The following EIF4B variants were observed in gnomAD, a reference collection of about 807,000 sequenced individuals.
EIF4B encodes the protein eukaryotic translation initiation factor 4B.
In EIF4B, 8 loss-of-function variants were observed where a neutral mutation model predicts 79.3. The observed-to-expected ratio is 0.10, with a 90% CI of 0.06 to 0.18. The LOEUF is 0.18. Among genes scored for constraint, EIF4B ranks in the 10% least tolerant of loss-of-function variants. The pLI is 1.00. For missense variants in EIF4B, 515 were observed against 792.4 expected (o/e 0.65, Z 4.20); for synonymous variants, 238 against 274.7 (o/e 0.87, Z 1.32).
chr12:53,021,763 A>G lies in EIF4B; in HGVS notation c.478-43A>G, dbSNP rs1437731515. The G allele has an allele frequency of 3.7e-6, 6 of 1,612,922 alleles. No homozygotes were observed. In the Admixed American group the frequency reaches 6.7e-5, roughly 18 times the overall value. ...TCAAGGTCACTCAAGGGATTTGTGC[A>G]TAATGGGGCAAAAGGTTGGTTAATA... On this transcript the variant is annotated intron_variant, in intron 4 of 14. Coordinates refer to ENST00000262056, the MANE Select transcript of EIF4B (RefSeq NM_001417.7).
chr12:53,027,928 A>G lies in EIF4B; in HGVS notation c.805+9A>G, dbSNP rs377689690. 29 of 1,612,238 alleles carry G rather than the reference A, an allele frequency of 1.8e-5. 1 individual carries two copies. In the Middle Eastern group the frequency reaches 4.9e-4, roughly 27 times the overall value. ...CAGAGACTATGATAGAGGTAATTGT[A>G]AAACATGTCGAATTGCTCTTTCAGT... On this transcript the variant is annotated intron_variant, in intron 7 of 14. Transcript: ENST00000262056.
At chr12:53,030,664 C>G (rs1344310493) in intron 8 of EIF4B, among the ~76,000 whole-genome samples, 1 of 151,798 alleles carries the variant, frequency 6.6e-6, no homozygotes, top group Non-Finnish European at 1.5e-5. Flanking sequence ...CCCGCCTCGG[C>G]CTCCCAAAGT....
chr12:53,041,341 A>G lies in EIF4B; in HGVS notation c.*1118A>G, dbSNP rs1943633608. The G allele has an allele frequency of 6.6e-6, 1 of 152,146 alleles. No homozygotes were observed. Among genetic ancestry groups the G allele is most frequent in the African/African-American group, 2.4e-5 (1 of 41,434 alleles). 9.4% of individuals were successfully genotyped at this position (152,146 alleles called of 1,614,324 possible). On this transcript the variant is annotated 3_prime_UTR_variant, in exon 15 of 15. Transcript: ENST00000262056. ...TTATTGATCAGAGTGCTCTAGAATA[A>G]TGGATGGTCTTGGATGATGGATAAA...
intron 8 of EIF4B, among the ~76,000 whole-genome samples, chr12:53,033,411 T>C (rs1943483345): frequency 6.6e-6 from 1 of 151,680 alleles, no homozygotes; most frequent in Admixed American, 6.6e-5. Context: ...AGCTCGATCT[T>C]GGCTCACTGC....
At position 53,038,341 on chromosome 12, in the gene EIF4B, C is replaced by T. The variant is rs770507586; in HGVS notation, c.1521-15C>T. ...TGAAACAACTGATGAATGTGATTAC[C>T]TGTTTTCCTTCTAGTGGTGGGGGAA... On this transcript the variant is annotated splice_polypyrimidine_tract_variant and intron_variant, in intron 11 of 14. Transcript: ENST00000262056. 21 of 1,569,922 alleles carry T rather than the reference C, an allele frequency of 1.3e-5. No homozygotes were observed. The Admixed American group carries it at 3.9e-4, about 29-fold the overall frequency.
chr12:53,026,059 C>G (rs1194358889), intron 6 of EIF4B, among the ~76,000 whole-genome samples: 22 of 151,882 alleles, frequency 1.4e-4, no homozygotes, highest in East Asian at 1.9e-4. Flanking sequence ...GCGATTGTGC[C>G]ACTGCACTCC....
At chr12:53,029,032 A>AG (rs1159659022) in intron 8 of EIF4B, among the ~76,000 whole-genome samples, 3 of 151,804 alleles carry the variant, frequency 2.0e-5, no homozygotes, top group Non-Finnish European at 4.4e-5. Context: ...TGGCTGAGGC[A>AG]GGAGAATTGC....
rs756411298 is a variant in EIF4B at position 53,019,015 on chromosome 12, A to G, written c.360+9A>G. The G allele has an allele frequency of 1.9e-6, 3 of 1,612,632 alleles. No homozygotes were observed. Among genetic ancestry groups the G allele is most frequent in the African/African-American group, 1.3e-5 (1 of 74,886 alleles). The stretch of plus-strand genomic sequence containing the variant: ...TCTTTCGAGGATTAAATGTAAGTGT[A>G]AAAGTTGTAATAATTAACTAGATAT... On this transcript the variant is annotated intron_variant, in intron 3 of 14. Transcript: ENST00000262056.
chr12:53,027,968 T>C, intron 7 of EIF4B, 47 bp from the exon 8 acceptor site: 2 of 1,608,336 alleles, frequency 1.2e-6, no homozygotes, highest in Non-Finnish European at 1.7e-6. Flanking sequence ...TTGCCTTTTT[T>C]TTTTCCCCCT....
chr12:53,027,340 G>A (rs1038842019), intron 6 of EIF4B, among the ~76,000 whole-genome samples: 2 of 150,776 alleles, frequency 1.3e-5, no homozygotes, highest in Non-Finnish European at 3.0e-5. Flanking sequence ...CACCATGTTG[G>A]CCAGGATGGT....
Position 53,040,369 on chromosome 12 carries a change from A to G in EIF4B, c.*146A>G. On this transcript the variant is annotated 3_prime_UTR_variant, in exon 15 of 15. Coordinates refer to ENST00000262056, the MANE Select transcript of EIF4B (RefSeq NM_001417.7). ...CCTTTTTTTAAAAACAAAAAATGAA[A>G]TTATTTTGCATGCTGCTGCAGCCTT... 2 of 767,124 alleles carry G rather than the reference A, an allele frequency of 2.6e-6. No homozygotes were observed. The highest frequency in any genetic ancestry group is 4.1e-6 in the Non-Finnish European group (2 of 490,500). 47.5% of individuals were successfully genotyped at this position (767,124 alleles called of 1,614,324 possible).
Position 53,012,873 on chromosome 12 carries a change from T to G in EIF4B, c.14-3600T>G, listed in dbSNP as rs1041201625. ...CACCCGCCTCGGCCTCCCAAAGTGC[T>G]GGGATTACAGGCGTGAGCCACCACA... On this transcript the variant is annotated intron_variant, in intron 1 of 14. Transcript: ENST00000262056. 3.9e-5 allele frequency among the ~76,000 whole-genome samples: 6 copies of G among 152,288 alleles called. No individual in the cohort carries two copies. In the South Asian group the frequency reaches 1.2e-3, roughly 32 times the overall value.
At position 53,041,902 on chromosome 12, in the gene EIF4B, AAAAC is replaced by A. The variant is rs1318991497; in HGVS notation, c.*1684_*1687del. The A allele has an allele frequency of 2.0e-4, 30 of 152,676 alleles. No individual in the cohort carries two copies. The highest frequency in any genetic ancestry group is 1.3e-3 in the East Asian group (7 of 5,196). The allele number at this position is 152,676 out of a possible 1,614,324, so 9.5% of individuals were successfully genotyped here. A position where few individuals can be genotyped will look rare whatever the true frequency, so the allele number is the denominator to read the frequency against. ...GTTTTTCTTTCTTTTTTAAAAAAGAAAAACAAACTATTGATTGTAGATAATGAAA... is the reference window on the plus strand; with the variant it reads ...GTTTTTCTTTCTTTTTTAAAAAAGAAAAACTATTGATTGTAGATAATGAAA... On this transcript the variant is annotated 3_prime_UTR_variant, in exon 15 of 15. Transcript: ENST00000262056.
At position 53,030,413 on chromosome 12, in the gene EIF4B, C is replaced by CTTTTTT. The variant is rs759061266; in HGVS notation, c.979+2245_979+2250dup. 3.9e-3 allele frequency among the ~76,000 whole-genome samples: 169 copies of CTTTTTT among 43,084 alleles called. 41 individuals are homozygous for CTTTTTT. Among genetic ancestry groups the CTTTTTT allele is most frequent in the East Asian group, 5.8e-3 (6 of 1,038 alleles). The allele number at this position is 43,084 out of a possible 152,430, so 28.3% of individuals were successfully genotyped here. A position where few individuals can be genotyped will look rare whatever the true frequency, so the allele number is the denominator to read the frequency against. ...GAAATAGGTTTTAAAAAATTATATT[C>CTTTTTT]TTTTTTTTTTTTTTTTTTTTTTTTT... is the stretch of plus-strand genomic sequence containing the variant. On this transcript the variant is annotated intron_variant, in intron 8 of 14. Transcript: ENST00000262056.
rs2120992577 is a variant in EIF4B at position 53,039,627 on chromosome 12, C to T, written c.1683-3C>T. 1.2e-6 allele frequency: 2 copies of T among 1,613,720 alleles called. No individual in the cohort carries two copies. Among genetic ancestry groups the T allele is most frequent in the Non-Finnish European group, 8.5e-7 (1 of 1,179,754 alleles). On this transcript the variant is annotated splice_polypyrimidine_tract_variant and splice_region_variant and intron_variant, in intron 13 of 14. Coordinates refer to ENST00000262056, the MANE Select transcript of EIF4B (RefSeq NM_001417.7). ...ACATGGTTTTATGCTTACGTCTCTG[C>T]AGGAAAGATGGCAAAAAGGATCAAG...
intron 4 of EIF4B, among the ~76,000 whole-genome samples, chr12:53,021,061 AATC>A (rs140651753): frequency 0.017 from 2,518 of 152,316 alleles, 35 homozygotes; most frequent in Middle Eastern, 0.058. Flanking sequence ...TTTAACTAAA[AATC>A]ATTGTTATCC....
intron 1 of EIF4B, among the ~76,000 whole-genome samples, chr12:53,007,164 G>A (rs886730320): frequency 4.6e-5 from 7 of 152,170 alleles, no homozygotes; most frequent in African/African-American, 1.7e-4. Context: ...TGGGCCCTGT[G>A]CCTGTATTCT....
rs79429085 is a variant in EIF4B at position 53,031,770 on chromosome 12, G to A, written c.980-2036G>A. ...TCTACAGGTACTATGTGCATATGTA[G>A]TAAAAGTATAAAATCAAGTGTGGGC... On this transcript the variant is annotated intron_variant, in intron 8 of 14. Coordinates refer to ENST00000262056, the MANE Select transcript of EIF4B (RefSeq NM_001417.7). Among the ~76,000 whole-genome samples the A allele has an allele frequency of 6.8e-3, 1,039 of 152,244 alleles. 11 individuals are homozygous for A. The highest frequency in any genetic ancestry group is 0.024 in the African/African-American group (981 of 41,532).
In EIF4B at chr12:53,022,551, A is replaced by G; in HGVS notation, c.591A>G (p.Thr197=). 2 of 1,613,640 alleles carry G rather than the reference A, an allele frequency of 1.2e-6. No homozygotes were observed. Among genetic ancestry groups the G allele is most frequent in the Non-Finnish European group, 1.7e-6 (2 of 1,179,880 alleles). ...ATCGGGATTCTGACAAAACAGATAC[A>G]GACTGGAGGGCTCGTCCTGCTACAG... The part of the protein sequence containing the change: ...DRNRDSDKTD[T]DWRARPATDS... The change falls in exon 6 of 15, where the codon ACA becomes ACG. Residue 197 remains threonine, a synonymous_variant. Transcript: ENST00000262056.
Sources: gnomAD v4.1 joint callset for allele counts (sites outside exome capture counted in the v4.1 genomes callset) on GRCh38, gnomAD v4.1.1 for gene constraint, MANE v1.5 for transcripts, NCBI Gene and HGNC (gene_info 2026-07-23, HGNC 2026-07-21) for gene names.